ERC2: variants seen among roughly 807,000 people sequenced by gnomAD.
The protein encoded by ERC2 is ERC protein 2.
A neutral mutation model predicts 114.8 loss-of-function variants in ERC2; 42 were observed. The observed-to-expected ratio is 0.37, with a 90% CI of 0.29 to 0.47. The LOEUF is 0.47. Among genes scored for constraint, ERC2 ranks in the 20% least tolerant of loss-of-function variants. The pLI is 0.99. For missense variants in ERC2, 939 were observed against 1,150.7 expected, an observed-to-expected ratio of 0.82 and a Z score of 2.66; for synonymous variants, 454 against 425.5, an observed-to-expected ratio of 1.07 and a Z score of -0.82.
At chr3:55,686,694 G>C (rs1169081575) in intron 16 of ERC2, among the ~76,000 whole-genome samples, 1 of 152,136 alleles carries the variant, frequency 6.6e-6, no homozygotes. Flanking sequence ...AGAAATACTT[G>C]GCATTTTAAA....
In ERC2 at chr3:55,734,936, A is replaced by C; in HGVS notation, c.2565-18T>G. ...CTTCCTGTCTGGTAAAATAAAGATT[A>C]TTGAGATCATTTTTGTAAAATAAAA... On this transcript the variant is annotated intron_variant, in intron 14 of 17. Transcript: ENST00000288221. The C allele has an allele frequency of 6.6e-7, 1 of 1,521,510 alleles. No homozygotes were observed. The highest frequency in any genetic ancestry group is 8.8e-7 in the Non-Finnish European group (1 of 1,136,702). The allele number at this position is 1,521,510 out of a possible 1,614,324, so 94.3% of individuals were successfully genotyped here.
intron 17 of ERC2, among the ~76,000 whole-genome samples, chr3:55,580,815 A>G (rs1452762089): frequency 2.0e-5 from 3 of 152,190 alleles, no homozygotes; most frequent in African/African-American, 7.2e-5. Context: ...GCTTGCCTAC[A>G]TGGGGTTCTA....
intron 7 of ERC2, among the ~76,000 whole-genome samples, chr3:56,055,576 T>G (rs1450429509): frequency 6.6e-6 from 1 of 152,234 alleles, no homozygotes; most frequent in African/African-American, 2.4e-5. Flanking sequence ...TCATTAAGTC[T>G]GCCCTGAAGA....
chr3:55,950,434 C>T lies in ERC2; in HGVS notation c.2394G>A (p.Gln798=), dbSNP rs1336226299. The T allele has an allele frequency of 4.3e-6, 7 of 1,613,916 alleles. No individual in the cohort carries two copies. The highest frequency in any genetic ancestry group is 2.2e-5 in the East Asian group (1 of 44,886). ...RREDSMADNS[Q]HLQIEELMNA... Reference sequence around the variant, plus strand: ...AGAAGCCTGTGCTTACCTGCAAATGCTGTGAGTTGTCAGCCATGCTGTCTT... The same window carrying T: ...AGAAGCCTGTGCTTACCTGCAAATGTTGTGAGTTGTCAGCCATGCTGTCTT... The change falls in exon 13 of 18, where the codon CAG becomes CAA. Residue 798 remains glutamine, a synonymous_variant. Coordinates refer to ENST00000288221, the MANE Select transcript of ERC2 (RefSeq NM_015576.3).
chr3:56,093,411 C>T (rs1344284733), intron 6 of ERC2, among the ~76,000 whole-genome samples: 1 of 152,060 alleles, frequency 6.6e-6, no homozygotes, highest in Non-Finnish European at 1.5e-5. Context: ...ATGATACATT[C>T]CCTCCAAGTC....
intron 13 of ERC2, among the ~76,000 whole-genome samples, chr3:55,907,802 C>T (rs529292483): frequency 6.6e-6 from 1 of 152,342 alleles, no homozygotes; most frequent in Admixed American, 6.5e-5. Context: ...ATAGCAAGGA[C>T]TGGAGATTAA....
intron 10 of ERC2, among the ~76,000 whole-genome samples, chr3:55,999,703 A>G (rs1442798654): frequency 6.6e-6 from 1 of 151,824 alleles, no homozygotes; most frequent in Non-Finnish European, 1.5e-5. Context: ...ATCATGGGAA[A>G]ATATTAAACT....
intron 13 of ERC2, among the ~76,000 whole-genome samples, chr3:55,899,889 C>T (rs1032071976): frequency 6.6e-6 from 1 of 152,110 alleles, no homozygotes; most frequent in African/African-American, 2.4e-5. Context: ...CCAATTTCAA[C>T]TAAGAAAGAT....
intron 3 of ERC2, among the ~76,000 whole-genome samples, chr3:56,235,515 T>C (rs1376797718): frequency 6.6e-6 from 1 of 152,192 alleles, no homozygotes; most frequent in Non-Finnish European, 1.5e-5. Flanking sequence ...GTACTCTTTT[T>C]AAAAATTCAT....
chr3:55,913,682 G>A (rs533161516), intron 13 of ERC2, among the ~76,000 whole-genome samples: 29 of 152,240 alleles, frequency 1.9e-4, no homozygotes, highest in Middle Eastern at 3.4e-3. Flanking sequence ...TTTGATCTAT[G>A]GGACAGGACT....
At chr3:56,013,814 G>A (rs766351730) in intron 8 of ERC2, among the ~76,000 whole-genome samples, 9 of 152,142 alleles carry the variant, frequency 5.9e-5, no homozygotes, top group Non-Finnish European at 1.3e-4. Context: ...GGGCTCCACA[G>A]CAGAGCAGCT....
chr3:55,904,943 T>G (rs1388784602), intron 13 of ERC2, among the ~76,000 whole-genome samples: 3 of 152,204 alleles, frequency 2.0e-5, no homozygotes, highest in Non-Finnish European at 2.9e-5. Context: ...GCTGACCTTT[T>G]AAAAGCCAAA....
chr3:55,541,886 C>A (rs1294704984), intron 17 of ERC2, among the ~76,000 whole-genome samples: 1 of 152,134 alleles, frequency 6.6e-6, no homozygotes, highest in Non-Finnish European at 1.5e-5. Flanking sequence ...ACCAATTCAG[C>A]CAAAAACATA....
At chr3:56,331,408 T>G (rs2057608823) in intron 2 of ERC2, among the ~76,000 whole-genome samples, 1 of 152,128 alleles carries the variant, frequency 6.6e-6, no homozygotes, top group Non-Finnish European at 1.5e-5. Flanking sequence ...GTATTCAGAG[T>G]TGAACCCAAT....
At chr3:56,017,874 G>A (rs2073415216) in intron 8 of ERC2, among the ~76,000 whole-genome samples, 1 of 152,058 alleles carries the variant, frequency 6.6e-6, no homozygotes, top group African/African-American at 2.4e-5. Flanking sequence ...ACATGGTGGG[G>A]GCTCACTCCA....
intron 1 of ERC2, among the ~76,000 whole-genome samples, chr3:56,460,231 C>T (rs1039186729): frequency 1.3e-5 from 2 of 152,198 alleles, no homozygotes; most frequent in East Asian, 3.9e-4. Context: ...TTGGCATTGA[C>T]AATGGTTAAG....
At position 56,032,925 on chromosome 3, in the gene ERC2, A is replaced by G. The variant is rs1214828378; in HGVS notation, c.1642-13894T>C. On this transcript the variant is annotated intron_variant, in intron 7 of 17. Transcript: ENST00000288221. Reference sequence around the variant, plus strand: ...ACAGAAAGAAAGAAAGAAAGAAAGAAAGAAAGAAAGAAAGAAAGAAAGAAA... The same window carrying G: ...ACAGAAAGAAAGAAAGAAAGAAAGAGAGAAAGAAAGAAAGAAAGAAAGAAA... Among the ~76,000 whole-genome samples, 112 of 85,914 alleles carry G rather than the reference A, an allele frequency of 1.3e-3. 1 individual carries two copies. Among genetic ancestry groups the G allele is most frequent in the Admixed American group, 2.1e-3 (14 of 6,718 alleles). 56.4% of individuals were successfully genotyped at this position (85,914 alleles called of 152,430 possible).
chr3:56,362,799 C>T (rs1480779476), intron 2 of ERC2, among the ~76,000 whole-genome samples: 1 of 152,310 alleles, frequency 6.6e-6, no homozygotes, highest in East Asian at 1.9e-4. Context: ...CAGAGAGGGA[C>T]CTTGTTCTGG....
chr3:56,248,573 C>A (rs1404529252), intron 3 of ERC2, among the ~76,000 whole-genome samples: 1 of 152,220 alleles, frequency 6.6e-6, no homozygotes, highest in Non-Finnish European at 1.5e-5. Context: ...CCCTACTCTG[C>A]TTTCAATAGC....
Sources: gnomAD v4.1 joint callset for allele counts (sites outside exome capture counted in the v4.1 genomes callset) on GRCh38, gnomAD v4.1.1 for gene constraint, MANE v1.5 for transcripts, NCBI Gene and HGNC (gene_info 2026-07-23, HGNC 2026-07-21) for gene names.